The following CHSY1 variants were observed in gnomAD, a reference collection of about 807,000 sequenced individuals.
The protein encoded by CHSY1 is N-acetylgalactosaminyl-proteoglycan 3-beta-glucuronosyltransferase 1.
CHSY1 carries 13 observed loss-of-function variants against 59.8 expected under a neutral mutation model. That is an observed-to-expected ratio of 0.22 (90% CI 0.14 to 0.35). CHSY1 has a LOEUF of 0.35. Ranked by LOEUF, CHSY1 falls within the 10% of genes least tolerant of loss-of-function variation. The pLI is 1.00. For synonymous variants in CHSY1, 459 were observed against 401.2 expected (o/e 1.14, Z -1.72); for missense variants, 947 against 1,030.6 (o/e 0.92, Z 1.11).
chr15:101,208,689 G>C (rs1191738880), intron 2 of CHSY1, among the ~76,000 whole-genome samples: 4 of 145,746 alleles, frequency 2.7e-5, no homozygotes, highest in Non-Finnish European at 4.5e-5. Context: ...CTCCAGCCTG[G>C]GTGACAGAGC....
intron 2 of CHSY1, among the ~76,000 whole-genome samples, chr15:101,198,018 G>C (rs2038526985): frequency 6.6e-6 from 1 of 152,114 alleles, no homozygotes; most frequent in South Asian, 2.1e-4. Flanking sequence ...CGACCTCATC[G>C]CCAATGTATC....
At chr15:101,195,798 T>C (rs1596435859) in intron 2 of CHSY1, among the ~76,000 whole-genome samples, 1 of 147,424 alleles carries the variant, frequency 6.8e-6, no homozygotes, top group East Asian at 2.0e-4. Flanking sequence ...GCACTCCAGC[T>C]TGGGTGACAG....
chr15:101,208,476 C>T, intron 2 of CHSY1, among the ~76,000 whole-genome samples: 1 of 152,074 alleles, frequency 6.6e-6, no homozygotes, highest in Non-Finnish European at 1.5e-5. Context: ...ACTTTGGGAA[C>T]CCAAGGCGGG....
Position 101,177,764 on chromosome 15 carries a change from T to C in CHSY1, c.2033A>G (p.His678Arg). 6.2e-7 allele frequency: 1 copy of C among 1,614,240 alleles called. No individual in the cohort carries two copies. The highest frequency in any genetic ancestry group is 8.5e-7 in the Non-Finnish European group (1 of 1,180,052). ...GCCAGTTTTCTGAGTAAAGGCAAAA[T>C]GGTTGTCACTGGGAACTTTCCCACT... Reference protein sequence around the residue: ...VYSGKVPSDNHFAFTQKTGFW... With the variant: ...VYSGKVPSDNRFAFTQKTGFW... Residue 678 changes from histidine to arginine, a missense_variant, in exon 3 of 3, where the codon CAT becomes CGT. By Grantham distance (29) the His-to-Arg change is conservative. Coordinates refer to ENST00000254190, the MANE Select transcript of CHSY1 (RefSeq NM_014918.5).
At chr15:101,184,223 T>A (rs966028244) in intron 2 of CHSY1, among the ~76,000 whole-genome samples, 4 of 152,066 alleles carry the variant, frequency 2.6e-5, no homozygotes, top group Non-Finnish European at 4.4e-5. Flanking sequence ...TTTCACAGAG[T>A]GTGTGTGCTA....
intron 2 of CHSY1, among the ~76,000 whole-genome samples, chr15:101,209,974 G>T (rs531683631): frequency 1.3e-5 from 2 of 152,326 alleles, no homozygotes; most frequent in East Asian, 3.9e-4. Context: ...CTACAAGTTA[G>T]TGTCGTTAAA....
intron 1 of CHSY1, among the ~76,000 whole-genome samples, chr15:101,245,607 G>A (rs934678772): frequency 3.3e-5 from 5 of 152,148 alleles, no homozygotes; most frequent in Admixed American, 6.5e-5. Context: ...TGAAGCTGCC[G>A]GTGCAATGGA....
chr15:101,188,026 G>A (rs1373013267), intron 2 of CHSY1: 1 of 985,208 alleles, frequency 1.0e-6, no homozygotes, highest in African/African-American at 1.7e-5. Context: ...TGTCCTTCTT[G>A]TCCGCTGCAA....
intron 2 of CHSY1, among the ~76,000 whole-genome samples, chr15:101,190,340 G>C (rs2141246469): frequency 6.6e-6 from 1 of 152,204 alleles, no homozygotes; most frequent in East Asian, 1.9e-4. Flanking sequence ...AATATGAACA[G>C]TTTTCAGAGC....
chr15:101,201,536 G>C (rs1339838471), intron 2 of CHSY1, among the ~76,000 whole-genome samples: 1 of 152,206 alleles, frequency 6.6e-6, no homozygotes, highest in Non-Finnish European at 1.5e-5. Flanking sequence ...TTGGTGGAGC[G>C]GCAGGGCTGC....
At chr15:101,232,966 T>A (rs1181527070) in intron 2 of CHSY1, among the ~76,000 whole-genome samples, 37 of 152,154 alleles carry the variant, frequency 2.4e-4, no homozygotes, top group Admixed American at 2.4e-3. Flanking sequence ...AGGAGAGCCT[T>A]GCTGCTGCTG....
chr15:101,223,761 A>G (rs7168557), intron 2 of CHSY1, among the ~76,000 whole-genome samples: 1 of 27,928 alleles, frequency 3.6e-5, no homozygotes, highest in Non-Finnish European at 5.8e-5. Context: ...GTCTACTACA[A>G]AGGACTTCCA....
In CHSY1 at chr15:101,199,162, T is replaced by C. The variant is rs149878299; in HGVS notation, c.817-20182A>G. Among the ~76,000 whole-genome samples the C allele has an allele frequency of 1.0e-3, 158 of 152,252 alleles. 1 individual carries two copies. The highest frequency in any genetic ancestry group is 0.01 in the East Asian group (53 of 5,172). On this transcript the variant is annotated intron_variant, in intron 2 of 2. Coordinates refer to ENST00000254190, the MANE Select transcript of CHSY1 (RefSeq NM_014918.5). Reference sequence around the variant, plus strand: ...GACACTCTGTTACATTTGTGGACACTGCGCCTCCAGCTTCCTACCTTTTCA... The same window carrying C: ...GACACTCTGTTACATTTGTGGACACCGCGCCTCCAGCTTCCTACCTTTTCA...
chr15:101,217,952 G>C (rs558728389), intron 2 of CHSY1, among the ~76,000 whole-genome samples: 4 of 152,324 alleles, frequency 2.6e-5, no homozygotes, highest in Admixed American at 1.3e-4. Flanking sequence ...TCAGTCAAGT[G>C]ATCAAGGTCA....
rs1170519659 is a variant in CHSY1, at chr15:101,177,966, C to T, written c.1831G>A (p.Ala611Thr). ...GAGGATCCTACTTCCAGGGCCAGGG[C>T]TCTTGAAAACTCTCCAGACACAGGC... The part of the protein sequence containing the change: ...ILPVSGEFSR[A>T]LALEVGSSQF... The change falls in exon 3 of 3, where the codon GCC becomes ACC. Residue 611 changes from alanine to threonine, a missense_variant. Transcript: ENST00000254190. The T allele has an allele frequency of 6.2e-7, 1 of 1,614,062 alleles. No individual in the cohort carries two copies. The highest frequency in any genetic ancestry group is 1.3e-5 in the African/African-American group (1 of 74,932).
chr15:101,246,158 A>C (rs1292299192), intron 1 of CHSY1, among the ~76,000 whole-genome samples: 1 of 152,176 alleles, frequency 6.6e-6, no homozygotes, highest in Non-Finnish European at 1.5e-5. Flanking sequence ...GACTGATGCT[A>C]ATCTGTAATG....
intron 2 of CHSY1, among the ~76,000 whole-genome samples, chr15:101,184,643 C>G (rs1285243437): frequency 6.6e-6 from 1 of 152,134 alleles, no homozygotes. Flanking sequence ...AGCCACCCAG[C>G]CCGGCCATTT....
rs112797025 is a variant in CHSY1, at chr15:101,233,073, A to G, written c.816+2009T>C. ...TTCAGCTGATGAGGCCACTGACAGG[A>G]TGCACCAAGCCTCAGAGGGGGCTCC... is the stretch of plus-strand genomic sequence containing the variant. On this transcript the variant is annotated intron_variant, in intron 2 of 2. Coordinates refer to ENST00000254190, the MANE Select transcript of CHSY1 (RefSeq NM_014918.5). Among the ~76,000 whole-genome samples, 146 of 152,318 alleles carry G rather than the reference A, an allele frequency of 9.6e-4. 1 individual carries two copies. Among genetic ancestry groups the G allele is most frequent in the African/African-American group, 3.4e-3 (142 of 41,570 alleles).
chr15:101,200,764 T>A (rs892991114), intron 2 of CHSY1, among the ~76,000 whole-genome samples: 1 of 152,200 alleles, frequency 6.6e-6, no homozygotes, highest in Non-Finnish European at 1.5e-5. Flanking sequence ...CTCACCTTGC[T>A]CTGAACCTGT....
Sources: gnomAD v4.1 joint callset for allele counts (sites outside exome capture counted in the v4.1 genomes callset) on GRCh38, gnomAD v4.1.1 for gene constraint, MANE v1.5 for transcripts, NCBI Gene and HGNC (gene_info 2026-07-23, HGNC 2026-07-21) for gene names.